ZCCHC14: variants seen among roughly 807,000 people sequenced by gnomAD.
ZCCHC14 encodes the protein zinc finger CCHC domain-containing protein 14.
In ZCCHC14, 16 loss-of-function variants were observed where a neutral mutation model predicts 85.0. The ratio of observed to expected loss-of-function variants is 0.19; its 90% CI spans 0.13 to 0.29. The LOEUF (loss-of-function observed/expected upper bound fraction) is 0.29, where lower values mean the gene tolerates loss of function less well. Among genes scored for constraint, ZCCHC14 ranks in the 10% least tolerant of loss-of-function variants. The probability of loss-of-function intolerance (pLI) is 1.00; values close to 1 mark genes in which losing one functional copy is unlikely to be tolerated. For synonymous variants in ZCCHC14, 775 were observed against 630.7 expected (o/e 1.23, Z -3.43); for missense variants, 1,303 against 1,443.5 (o/e 0.90, Z 1.58).
At chr16:87,468,505 G>A (rs1401219926) in intron 1 of ZCCHC14, among the ~76,000 whole-genome samples, 2 of 151,014 alleles carry the variant, frequency 1.3e-5, no homozygotes, top group African/African-American at 2.4e-5. Context: ...CTCCAGAGAA[G>A]CTGGGACTAC....
intron 1 of ZCCHC14, chr16:87,472,572 T>C (rs1678669456): frequency 6.6e-6 from 1 of 152,320 alleles, no homozygotes; most frequent in African/African-American, 2.4e-5. Context: ...AGTCAGCACT[T>C]AGGAGCAACA....
chr16:87,459,087 G>A (rs1256379045), intron 2 of ZCCHC14, among the ~76,000 whole-genome samples: 1 of 152,210 alleles, frequency 6.6e-6, no homozygotes, highest in Non-Finnish European at 1.5e-5. Flanking sequence ...GGCGTGCAGA[G>A]CCACAGGGGC....
chr16:87,438,262 C>G (rs1009147949), intron 2 of ZCCHC14, among the ~76,000 whole-genome samples: 7 of 152,272 alleles, frequency 4.6e-5, no homozygotes, highest in African/African-American at 1.4e-4. Flanking sequence ...GGGCTGGACT[C>G]TGTGTGTCAA....
intron 2 of ZCCHC14, among the ~76,000 whole-genome samples, chr16:87,440,409 C>A (rs1165254994): frequency 6.6e-6 from 1 of 152,182 alleles, no homozygotes; most frequent in African/African-American, 2.4e-5. Flanking sequence ...AAGTGATCCA[C>A]CCACCTTGGC....
In ZCCHC14 at chr16:87,491,383, G is replaced by C. The variant is rs1912758759; in HGVS notation, c.570+286C>G. 1.3e-5 allele frequency among the ~76,000 whole-genome samples: 2 copies of C among 152,030 alleles called. No homozygotes were observed. The highest frequency in any genetic ancestry group is 4.8e-5 in the African/African-American group (2 of 41,330). ...GGGTGAGGAGTGCGGGCTTAGGATG[G>C]GGGCTTGGGATGTACGGCGGAGGCT... On this transcript the variant is annotated intron_variant, in intron 1 of 12. Transcript: ENST00000671377. The surrounding 1 kb of genome is among the most constrained non-coding windows in gnomAD (Gnocchi z 5.9).
intron 1 of ZCCHC14, chr16:87,470,889 T>C (rs2150768264): frequency 6.6e-6 from 1 of 152,354 alleles, no homozygotes; most frequent in East Asian, 1.9e-4. Context: ...TTTTCTGTTT[T>C]CCAATTTTTC....
At chr16:87,416,552 C>T (rs1021527549) in intron 8 of ZCCHC14, among the ~76,000 whole-genome samples, 7 of 151,942 alleles carry the variant, frequency 4.6e-5, no homozygotes, top group African/African-American at 7.3e-5. Flanking sequence ...GTCAGGAGTT[C>T]GAGACTAGCC....
chr16:87,430,507 T>C (rs1253347561), intron 3 of ZCCHC14, among the ~76,000 whole-genome samples: 1 of 152,050 alleles, frequency 6.6e-6, no homozygotes, highest in Non-Finnish European at 1.5e-5. Context: ...TCCATATCAC[T>C]TTAACTTGAT....
chr16:87,462,648 G>A (rs1453446086), intron 1 of ZCCHC14, among the ~76,000 whole-genome samples: 1 of 152,016 alleles, frequency 6.6e-6, no homozygotes, highest in Non-Finnish European at 1.5e-5. Flanking sequence ...GCTGAGGCAG[G>A]AGAATGGTGT....
chr16:87,463,650 T>G (rs867414485), intron 1 of ZCCHC14, among the ~76,000 whole-genome samples: 2 of 152,054 alleles, frequency 1.3e-5, no homozygotes, highest in Non-Finnish European at 2.9e-5. Context: ...GAATGAAACC[T>G]CGTCTCTACT....
intron 2 of ZCCHC14, among the ~76,000 whole-genome samples, chr16:87,457,279 G>A (rs919122214): frequency 2.0e-5 from 3 of 152,216 alleles, no homozygotes; most frequent in Admixed American, 6.5e-5. Flanking sequence ...CCACACAACG[G>A]TGTGTTTTCC....
intron 2 of ZCCHC14, among the ~76,000 whole-genome samples, chr16:87,440,151 T>C (rs1910115125): frequency 6.6e-6 from 1 of 152,018 alleles, no homozygotes; most frequent in Non-Finnish European, 1.5e-5. Context: ...TGCGACAGTA[T>C]GCTTTTATGT....
intron 1 of ZCCHC14, chr16:87,467,639 T>C (rs947276517): frequency 6.0e-6 from 6 of 999,588 alleles, no homozygotes; most frequent in Non-Finnish European, 6.4e-6. Flanking sequence ...GGACTCTGAA[T>C]TTCCCTGGTC....
rs533472545 is a variant in ZCCHC14, at chr16:87,491,597, G to A, written c.570+72C>T. On this transcript the variant is annotated intron_variant, in intron 1 of 12. Coordinates refer to ENST00000671377, the MANE Select transcript of ZCCHC14 (RefSeq NM_015144.3). The surrounding 1 kb of genome is among the most constrained non-coding windows in gnomAD (Gnocchi z 5.9). Reference sequence around the variant, plus strand: ...CGTGGGTCGGGGGGTCGCGGTGCAGGCTGGAGGCTTGGAGTGCAGAGTTGG... The same window carrying A: ...CGTGGGTCGGGGGGTCGCGGTGCAGACTGGAGGCTTGGAGTGCAGAGTTGG... 3 of 1,310,476 alleles carry A rather than the reference G, an allele frequency of 2.3e-6. No individual in the cohort carries two copies. The highest frequency in any genetic ancestry group is 1.6e-5 in the African/African-American group (1 of 64,264). The allele number at this position is 1,310,476 out of a possible 1,614,324, so 81.2% of individuals were successfully genotyped here.
intron 1 of ZCCHC14, chr16:87,470,643 A>G (rs959438317): frequency 6.6e-6 from 1 of 152,232 alleles, no homozygotes; most frequent in Non-Finnish European, 1.5e-5. Flanking sequence ...CAGCTTGAGC[A>G]AAAAGAAAAA....
chr16:87,418,147 G>C (rs1162686411), intron 7 of ZCCHC14, among the ~76,000 whole-genome samples: 2 of 151,752 alleles, frequency 1.3e-5, no homozygotes, highest in Non-Finnish European at 2.9e-5. Flanking sequence ...ACTCCGATAG[G>C]TATTTCTGTT....
At chr16:87,437,178 A>AGT (rs1052230966) in intron 2 of ZCCHC14, among the ~76,000 whole-genome samples, 27 of 151,938 alleles carry the variant, frequency 1.8e-4, no homozygotes, top group African/African-American at 6.5e-4. Flanking sequence ...CTCTAGTAAA[A>AGT]ATACAAAATT....
At chr16:87,461,162 A>C (rs1239119068) in intron 1 of ZCCHC14, among the ~76,000 whole-genome samples, 1 of 152,180 alleles carries the variant, frequency 6.6e-6, no homozygotes. Flanking sequence ...CCCAACACAC[A>C]ACAAGCGCAG....
intron 1 of ZCCHC14, among the ~76,000 whole-genome samples, chr16:87,489,920 G>A (rs1912675783): frequency 6.6e-6 from 1 of 151,530 alleles, no homozygotes; most frequent in African/African-American, 2.4e-5. Flanking sequence ...GAAATTATTA[G>A]TGGGTGGAAT....
Sources: gnomAD v4.1 joint callset for allele counts (sites outside exome capture counted in the v4.1 genomes callset) on GRCh38, gnomAD v4.1.1 for gene constraint, Gnocchi (gnomAD v3.1) non-coding constraint, MANE v1.5 for transcripts, NCBI Gene and HGNC (gene_info 2026-07-23, HGNC 2026-07-21) for gene names.